The following GRM7 variants were observed in gnomAD, a reference collection of about 807,000 sequenced individuals.
The protein encoded by GRM7 is metabotropic glutamate receptor 7.
GRM7 carries 35 observed loss-of-function variants against 84.5 expected under a neutral mutation model. The observed-to-expected ratio is 0.41, with a 90% CI of 0.32 to 0.55. The LOEUF is 0.55. GRM7 is among the 20% of genes least tolerant of loss of function. The probability of loss-of-function intolerance (pLI) is 0.19; values close to 1 mark genes in which losing one functional copy is unlikely to be tolerated. For missense variants in GRM7, 1,003 were observed against 1,194.6 expected, an observed-to-expected ratio of 0.84 and a Z score of 2.36; for synonymous variants, 487 against 455.1, an observed-to-expected ratio of 1.07 and a Z score of -0.89.
intron 1 of GRM7, among the ~76,000 whole-genome samples, chr3:7,124,562 C>A (rs755663622): frequency 1.3e-5 from 2 of 152,054 alleles, no homozygotes; most frequent in Non-Finnish European, 2.9e-5. Context: ...CTGGCAAACC[C>A]AGAATATAAA....
intron 2 of GRM7, among the ~76,000 whole-genome samples, chr3:7,294,110 G>A (rs1263249395): frequency 6.6e-6 from 1 of 152,150 alleles, no homozygotes; most frequent in African/African-American, 2.4e-5. Context: ...CCCGTAAGAG[G>A]GGATGAGCGT....
intron 1 of GRM7, among the ~76,000 whole-genome samples, chr3:6,906,154 G>A (rs1046260365): frequency 2.6e-5 from 4 of 152,124 alleles, no homozygotes; most frequent in East Asian, 3.9e-4. Context: ...GTCAGATGAC[G>A]CCTCACTTAC....
intron 1 of GRM7, among the ~76,000 whole-genome samples, chr3:7,053,494 A>C (rs895879807): frequency 2.0e-5 from 3 of 151,680 alleles, no homozygotes; most frequent in Non-Finnish European, 4.4e-5. Context: ...TTTCTCTAGA[A>C]ATTTTATAGT....
chr3:7,046,445 A>C (rs1478255398), intron 1 of GRM7, among the ~76,000 whole-genome samples: 1 of 152,126 alleles, frequency 6.6e-6, no homozygotes, highest in Non-Finnish European at 1.5e-5. Context: ...AGTTGTTAGC[A>C]CTTTGCTTGC....
At chr3:7,032,080 C>T (rs992577429) in intron 1 of GRM7, among the ~76,000 whole-genome samples, 3 of 152,158 alleles carry the variant, frequency 2.0e-5, no homozygotes, top group African/African-American at 7.2e-5. Context: ...TCCTAAAACA[C>T]GTCAAAGACA....
chr3:7,683,393 A>G (rs1305750511), intron 9 of GRM7, among the ~76,000 whole-genome samples: 1 of 152,202 alleles, frequency 6.6e-6, no homozygotes, highest in Non-Finnish European at 1.5e-5. Flanking sequence ...AAATAAAATA[A>G]AATAGAGTCT....
At chr3:7,584,744 T>G (rs999863935) in intron 8 of GRM7, among the ~76,000 whole-genome samples, 1 of 152,236 alleles carries the variant, frequency 6.6e-6, no homozygotes, top group Non-Finnish European at 1.5e-5. Flanking sequence ...TTGAAAGCTA[T>G]TTTGGACTTT....
In GRM7 at chr3:7,303,772, G is replaced by C. The variant is rs73130251; in HGVS notation, c.879-2726G>C. On this transcript the variant is annotated intron_variant, in intron 3 of 9. Coordinates refer to ENST00000357716, the MANE Select transcript of GRM7 (RefSeq NM_000844.4). Reference sequence around the variant, plus strand: ...TTATTTTTCCCGAATATTTCTTCCTGAAATTTCCATTATTCTGTTTTAATC... The same window carrying C: ...TTATTTTTCCCGAATATTTCTTCCTCAAATTTCCATTATTCTGTTTTAATC... Among the ~76,000 whole-genome samples, 841 of 151,810 alleles carry C rather than the reference G, an allele frequency of 5.5e-3. 5 individuals carry two copies. The highest frequency in any genetic ancestry group is 0.019 in the African/African-American group (805 of 41,388).
chr3:7,233,046 G>A (rs1697244176), intron 2 of GRM7, among the ~76,000 whole-genome samples: 1 of 152,122 alleles, frequency 6.6e-6, no homozygotes, highest in Admixed American at 6.5e-5. Context: ...ATAGTTCTTT[G>A]TGTTGAATAC....
At chr3:7,147,401 A>G (rs1033310998) in intron 2 of GRM7, among the ~76,000 whole-genome samples, 2 of 152,142 alleles carry the variant, frequency 1.3e-5, no homozygotes, top group African/African-American at 4.8e-5. Flanking sequence ...GTAAATACAT[A>G]CCAATATGCA....
intron 1 of GRM7, among the ~76,000 whole-genome samples, chr3:7,039,087 A>G (rs1351415032): frequency 1.3e-5 from 2 of 152,172 alleles, no homozygotes; most frequent in Non-Finnish European, 2.9e-5. Flanking sequence ...ACTGCTTTAT[A>G]CCTACTACCT....
intron 8 of GRM7, among the ~76,000 whole-genome samples, chr3:7,662,662 A>G (rs532381004): frequency 2.6e-5 from 4 of 152,336 alleles, no homozygotes; most frequent in African/African-American, 7.2e-5. Flanking sequence ...TAAAGTGCGA[A>G]GTATTATAAT....
At chr3:7,470,786 C>G (rs1698669272) in intron 7 of GRM7, among the ~76,000 whole-genome samples, 1 of 152,016 alleles carries the variant, frequency 6.6e-6, no homozygotes, top group South Asian at 2.1e-4. Context: ...GGACTCAACT[C>G]ATTATCATCA....
At chr3:7,654,334 T>C (rs980973237) in intron 8 of GRM7, among the ~76,000 whole-genome samples, 1 of 152,198 alleles carries the variant, frequency 6.6e-6, no homozygotes, top group African/African-American at 2.4e-5. Flanking sequence ...ACTAGCCTCA[T>C]CTGTCACTCC....
intron 8 of GRM7, among the ~76,000 whole-genome samples, chr3:7,588,524 G>T (rs1695625347): frequency 6.6e-6 from 1 of 152,164 alleles, no homozygotes; most frequent in Non-Finnish European, 1.5e-5. Context: ...GGCCCCTGTG[G>T]AATATCCCAA....
At chr3:7,250,359 A>G (rs1219925894) in intron 2 of GRM7, among the ~76,000 whole-genome samples, 1 of 150,044 alleles carries the variant, frequency 6.7e-6, no homozygotes, top group Non-Finnish European at 1.5e-5. Context: ...AGTAGTTTAA[A>G]GAGTGAGTAT....
Position 7,449,681 on chromosome 3 carries a change from G to A in GRM7, c.1175-2926G>A, listed in dbSNP as rs145475883. On this transcript the variant is annotated intron_variant, in intron 5 of 9. Transcript: ENST00000357716. ...TTGACCCAGTCGCATATGGAAATTTGACATATAGTAAAGGCAGAACCTCAA... is the reference window on the plus strand; with the variant it reads ...TTGACCCAGTCGCATATGGAAATTTAACATATAGTAAAGGCAGAACCTCAA... Among the ~76,000 whole-genome samples, 237 of 152,156 alleles carry A rather than the reference G, an allele frequency of 1.6e-3. 3 individuals carry two copies. The highest frequency in any genetic ancestry group is 5.5e-3 in the African/African-American group (230 of 41,530).
chr3:7,543,514 A>G (rs1025847093), intron 7 of GRM7, among the ~76,000 whole-genome samples: 1 of 152,208 alleles, frequency 6.6e-6, no homozygotes, highest in Non-Finnish European at 1.5e-5. Flanking sequence ...CTTTCCAGCC[A>G]CGCATTCAGC....
rs540505695 is a variant in GRM7 at position 6,861,345 on chromosome 3, G to A, written c.-44G>A. 7 of 1,455,162 alleles carry A rather than the reference G, an allele frequency of 4.8e-6. No individual in the cohort carries two copies. Among genetic ancestry groups the A allele is most frequent in the Admixed American group, 5.9e-5 (2 of 33,770 alleles). 90.1% of individuals were successfully genotyped at this position (1,455,162 alleles called of 1,614,324 possible). On this transcript the variant is annotated 5_prime_UTR_variant, in exon 1 of 10. Transcript: ENST00000357716. This position sits in a 1 kb window ranked among gnomAD's most constrained non-coding sequence, Gnocchi z 6.4. ...CCCGGACCTCGGCGAGCCCACCACC[G>A]TTCCCTCCAGCGCCGCCGCCGCCAC... is the stretch of plus-strand genomic sequence containing the variant.
Sources: gnomAD v4.1 joint callset for allele counts (sites outside exome capture counted in the v4.1 genomes callset) on GRCh38, gnomAD v4.1.1 for gene constraint, Gnocchi (gnomAD v3.1) non-coding constraint, MANE v1.5 for transcripts, NCBI Gene and HGNC (gene_info 2026-07-23, HGNC 2026-07-21) for gene names.